PAK1: variants seen among roughly 807,000 people sequenced by gnomAD.
PAK1 encodes serine/threonine-protein kinase PAK 1.
Under a neutral mutation model 67.4 loss-of-function variants are expected in PAK1, and 29 were observed. The observed-to-expected ratio is 0.43, with a 90% CI of 0.32 to 0.59. The LOEUF is 0.59. PAK1 is among the 20% of genes least tolerant of loss of function. The pLI is 0.07. For synonymous variants in PAK1, 223 were observed against 237.4 expected (o/e 0.94, Z 0.56); for missense variants, 337 against 670.7 (o/e 0.50, Z 5.50).
At chr11:77,472,119 G>C in intron 1 of PAK1, among the ~76,000 whole-genome samples, 1 of 152,160 alleles carries the variant, frequency 6.6e-6, no homozygotes, top group East Asian at 1.9e-4. Flanking sequence ...CTTAGCAAGA[G>C]GCCTGAAACA....
chr11:77,475,145 T>C (rs1025340668), upstream of PAK1: 2 of 152,222 alleles, frequency 1.3e-5, no homozygotes, highest in African/African-American at 4.8e-5. Context: ...TTACGTTCCT[T>C]TCCGTTCTCA....
chr11:77,487,862 G>A, the PAK1 span, among the ~76,000 whole-genome samples: 1 of 152,194 alleles, frequency 6.6e-6, no homozygotes, highest in South Asian at 2.1e-4. Flanking sequence ...GGAACTCACT[G>A]CCCTGAAGAG....
intron 11 of PAK1, among the ~76,000 whole-genome samples, chr11:77,339,857 G>A (rs1385249476): frequency 9.3e-5 from 14 of 151,154 alleles, no homozygotes; most frequent in Admixed American, 3.3e-4. Context: ...GGCAAAAACC[G>A]CAATTACTTT....
intron 1 of PAK1, among the ~76,000 whole-genome samples, chr11:77,464,734 C>A (rs192488117): frequency 6.6e-6 from 1 of 152,310 alleles, no homozygotes; most frequent in Admixed American, 6.5e-5. Context: ...CCTACCCAAC[C>A]TTAAACATAC....
the PAK1 span, among the ~76,000 whole-genome samples, chr11:77,498,560 T>C: frequency 2.4e-4 from 37 of 152,174 alleles, no homozygotes; most frequent in African/African-American, 7.5e-4. Flanking sequence ...ATTCATTTTT[T>C]ATCTATATGG....
At chr11:77,494,919 T>G in the PAK1 span, among the ~76,000 whole-genome samples, 1 of 151,620 alleles carries the variant, frequency 6.6e-6, no homozygotes, top group Admixed American at 6.6e-5. Context: ...ATCCCAGCAT[T>G]TTGGGAGGCC....
intron 1 of PAK1, among the ~76,000 whole-genome samples, chr11:77,420,560 C>A (rs114513577): frequency 1.3e-3 from 194 of 152,292 alleles, no homozygotes; most frequent in African/African-American, 4.5e-3. Context: ...TCATTTTTTA[C>A]TCCACTTTTT....
intron 1 of PAK1, among the ~76,000 whole-genome samples, chr11:77,409,589 G>A (rs1268354089): frequency 3.3e-5 from 5 of 151,588 alleles, no homozygotes; most frequent in East Asian, 1.9e-4. Context: ...TACACACAAC[G>A]GAATATTATT....
chr11:77,506,031 G>A, the PAK1 span, among the ~76,000 whole-genome samples: 1 of 152,154 alleles, frequency 6.6e-6, no homozygotes, highest in Admixed American at 6.5e-5. Flanking sequence ...GAAAACTGCA[G>A]CCAGTCCAGC....
At chr11:77,419,732 A>G (rs1361886696) in intron 1 of PAK1, among the ~76,000 whole-genome samples, 1 of 152,250 alleles carries the variant, frequency 6.6e-6, no homozygotes, top group Non-Finnish European at 1.5e-5. Context: ...AGTTAAATGT[A>G]CAAGGAAATC....
chr11:77,386,556 C>T (rs1950471784), intron 2 of PAK1, among the ~76,000 whole-genome samples: 1 of 152,170 alleles, frequency 6.6e-6, no homozygotes, highest in Admixed American at 6.5e-5. Flanking sequence ...ATCATTTATG[C>T]ATCCCCCAGG....
intron 1 of PAK1, among the ~76,000 whole-genome samples, chr11:77,416,951 T>G (rs1315608211): frequency 3.4e-5 from 5 of 147,550 alleles, no homozygotes; most frequent in African/African-American, 1.3e-4. Flanking sequence ...AGACTCTGTC[T>G]CAAAAAAAAA....
the PAK1 span, among the ~76,000 whole-genome samples, chr11:77,511,751 T>G: frequency 6.6e-6 from 1 of 152,222 alleles, no homozygotes; most frequent in East Asian, 1.9e-4. Flanking sequence ...ATCAGAAGTG[T>G]GCATTTGATT....
intron 1 of PAK1, among the ~76,000 whole-genome samples, chr11:77,415,219 C>T (rs1002974395): frequency 5.9e-5 from 9 of 152,168 alleles, no homozygotes; most frequent in African/African-American, 1.9e-4. Context: ...AAAACACTGA[C>T]AACACCAAAT....
the PAK1 span, among the ~76,000 whole-genome samples, chr11:77,491,675 C>A: frequency 6.6e-6 from 1 of 151,912 alleles, no homozygotes; most frequent in Non-Finnish European, 1.5e-5. Context: ...AACCTCAAAT[C>A]AAATACAACA....
chr11:77,342,516 G>A (rs1055171125), intron 10 of PAK1, among the ~76,000 whole-genome samples: 5 of 152,010 alleles, frequency 3.3e-5, no homozygotes, highest in South Asian at 2.1e-4. Flanking sequence ...TACCCCTGTC[G>A]CCTTCAGTAG....
chr11:77,395,270 A>AATAATAG (rs1328916244), intron 1 of PAK1, among the ~76,000 whole-genome samples: 37 of 152,166 alleles, frequency 2.4e-4, no homozygotes, highest in Non-Finnish European at 4.0e-4. Context: ...TATTGCTATT[A>AATAATAG]CAATTGTTTA....
the PAK1 span, among the ~76,000 whole-genome samples, chr11:77,503,681 A>G: frequency 6.6e-6 from 1 of 152,106 alleles, no homozygotes; most frequent in African/African-American, 2.4e-5. Context: ...TGGCCAACAA[A>G]ATGAGATTCC....
upstream of PAK1, among the ~76,000 whole-genome samples, chr11:77,477,303 T>C (rs146799733): frequency 5.3e-4 from 81 of 152,284 alleles, no homozygotes; most frequent in Non-Finnish European, 8.8e-4. Flanking sequence ...CTAATTGATA[T>C]AAATAAGAGT....
Sources: allele counts gnomAD v4.1 joint callset (sites outside exome capture counted in the v4.1 genomes callset), GRCh38; gene constraint gnomAD v4.1.1; transcripts MANE v1.5; gene names NCBI Gene and HGNC (gene_info 2026-07-23, HGNC 2026-07-21).